The following PVT1 variants were observed in gnomAD, a reference collection of about 807,000 sequenced individuals.
PVT1 encodes the protein Pvt1 oncogene.
At chr8:128,037,273 C>T (rs1049245660) in intron 4 of PVT1, among the ~76,000 whole-genome samples, 16 of 152,236 alleles carry the variant, frequency 1.1e-4, no homozygotes, top group African/African-American at 3.1e-4. Context: ...ATGGGACATA[C>T]GCCCATTTGT....
chr8:127,987,680 C>G (rs2129993021), intron 3 of PVT1, among the ~76,000 whole-genome samples: 1 of 152,330 alleles, frequency 6.6e-6, no homozygotes, highest in Non-Finnish European at 1.5e-5. Flanking sequence ...GTTCAGGGTC[C>G]TAAAAAGCCT....
At chr8:127,952,985 C>T (rs1034083090) in intron 3 of PVT1, among the ~76,000 whole-genome samples, 8 of 152,048 alleles carry the variant, frequency 5.3e-5, no homozygotes, top group Admixed American at 3.3e-4. Context: ...AGGATGGTCT[C>T]GATCTCCTGC....
At chr8:127,930,076 T>C (rs1349962740) in intron 3 of PVT1, among the ~76,000 whole-genome samples, 1 of 152,216 alleles carries the variant, frequency 6.6e-6, no homozygotes, top group Non-Finnish European at 1.5e-5. Context: ...AAGGATTTGC[T>C]GTGTGTTCCC....
intron 3 of PVT1, among the ~76,000 whole-genome samples, chr8:127,908,634 C>T (rs1368316712): frequency 6.6e-6 from 1 of 152,214 alleles, no homozygotes; most frequent in Non-Finnish European, 1.5e-5. Context: ...GCCACCACAT[C>T]CAGCCTCCTG....
chr8:128,082,225 A>G (rs1402904073), intron 5 of PVT1, among the ~76,000 whole-genome samples: 3 of 152,222 alleles, frequency 2.0e-5, no homozygotes, highest in African/African-American at 7.2e-5. Flanking sequence ...ACTAGCCACA[A>G]TTTAGAGATA....
At chr8:127,918,933 T>G (rs138307220) in intron 3 of PVT1, among the ~76,000 whole-genome samples, 167 of 152,320 alleles carry the variant, frequency 1.1e-3, no homozygotes, top group African/African-American at 3.9e-3. Flanking sequence ...AAAGATGGTG[T>G]GCAGAATTCT....
intron 5 of PVT1, among the ~76,000 whole-genome samples, chr8:128,086,165 C>T (rs1814252694): frequency 6.6e-6 from 1 of 152,126 alleles, no homozygotes; most frequent in African/African-American, 2.4e-5. Flanking sequence ...TAGTCCAAGC[C>T]CCATTTCTCT....
At chr8:127,836,008 A>G (rs997401777) in intron 2 of PVT1, among the ~76,000 whole-genome samples, 4 of 152,080 alleles carry the variant, frequency 2.6e-5, no homozygotes, top group African/African-American at 9.7e-5. Context: ...AGATCCTAGA[A>G]TGCTTTTTCC....
intron 3 of PVT1, among the ~76,000 whole-genome samples, chr8:127,925,033 A>G (rs1816112339): frequency 6.6e-6 from 1 of 152,172 alleles, no homozygotes; most frequent in South Asian, 2.1e-4. Context: ...CCAAAAAGAA[A>G]TCGTTTTTAT....
At chr8:128,034,855 G>A (rs1225862513) in intron 4 of PVT1, among the ~76,000 whole-genome samples, 1 of 152,156 alleles carries the variant, frequency 6.6e-6, no homozygotes, top group African/African-American at 2.4e-5. Context: ...CCCAAGCAGG[G>A]GACTTTGAGT....
intron 3 of PVT1, among the ~76,000 whole-genome samples, chr8:127,936,655 A>G (rs1207080003): frequency 6.6e-6 from 1 of 152,242 alleles, no homozygotes; most frequent in Non-Finnish European, 1.5e-5. Flanking sequence ...CAACAAAGGC[A>G]GTAGGCACTG....
intron 2 of PVT1, among the ~76,000 whole-genome samples, chr8:127,865,088 G>A (rs1371517598): frequency 6.6e-6 from 1 of 152,166 alleles, no homozygotes; most frequent in East Asian, 1.9e-4. Flanking sequence ...GAGCTGTGTG[G>A]CCCTGGGCGA....
rs867340253 is a variant in PVT1 at position 127,825,726 on chromosome 8, C to T, written n.372+29655C>T. Among the ~76,000 whole-genome samples, 10 of 152,118 alleles carry T rather than the reference C, an allele frequency of 6.6e-5. No homozygotes were observed. The South Asian group carries it at 8.3e-4, about 13-fold the overall frequency. On this transcript the variant is annotated intron_variant and non_coding_transcript_variant, in intron 2 of 10. Transcript: ENST00000651587. Reference sequence around the variant, plus strand: ...ATGTGGCTAGCTGTATGTTCCTAGCCGCGTCACTCAACCTTGCTCAGTACA... The same window carrying T: ...ATGTGGCTAGCTGTATGTTCCTAGCTGCGTCACTCAACCTTGCTCAGTACA...
At chr8:128,063,794 A>G (rs1813862939) in intron 4 of PVT1, among the ~76,000 whole-genome samples, 1 of 152,212 alleles carries the variant, frequency 6.6e-6, no homozygotes, top group Admixed American at 6.5e-5. Flanking sequence ...GATTTTGACT[A>G]TAGTTAATAA....
intron 2 of PVT1, among the ~76,000 whole-genome samples, chr8:127,831,363 A>G (rs899881524): frequency 1.3e-5 from 2 of 152,058 alleles, no homozygotes; most frequent in Non-Finnish European, 2.9e-5. Context: ...GGTGTCTTCA[A>G]TGGACACGGG....
At chr8:127,827,111 T>G (rs1213083981) in intron 2 of PVT1, among the ~76,000 whole-genome samples, 1 of 150,642 alleles carries the variant, frequency 6.6e-6, no homozygotes, top group Non-Finnish European at 1.5e-5. Flanking sequence ...TTCTCCTGCC[T>G]CAGTCTCCCA....
At chr8:128,028,062 C>T (rs762350354) in intron 4 of PVT1, among the ~76,000 whole-genome samples, 19 of 152,248 alleles carry the variant, frequency 1.2e-4, no homozygotes, top group Non-Finnish European at 2.5e-4. Flanking sequence ...CCGCCACGGG[C>T]TCCCGCCAAA....
chr8:127,991,822 C>G (rs899280714), intron 4 of PVT1, among the ~76,000 whole-genome samples: 1 of 152,140 alleles, frequency 6.6e-6, no homozygotes, highest in Non-Finnish European at 1.5e-5. Flanking sequence ...TCTACTTGTC[C>G]TAAAGGCACT....
At chr8:128,015,525 C>T (rs113775259) in intron 4 of PVT1, among the ~76,000 whole-genome samples, 21,615 of 151,966 alleles carry the variant, frequency 0.14, 1,858 homozygotes, top group South Asian at 0.26. Context: ...TCTGTAACCC[C>T]AGCACTTTGG....
Sources: allele counts gnomAD v4.1 joint callset (sites outside exome capture counted in the v4.1 genomes callset), GRCh38; gene constraint gnomAD v4.1.1; transcripts MANE v1.5; gene names NCBI Gene and HGNC (gene_info 2026-07-23, HGNC 2026-07-21).